SCLY: variants seen among roughly 807,000 people sequenced by gnomAD.
SCLY encodes the protein putative selenocysteine lyase.
SCLY carries 38 observed loss-of-function variants against 50.1 expected under a neutral mutation model. The ratio of observed to expected loss-of-function variants is 0.76; its 90% CI spans 0.59 to 0.99. The LOEUF is 0.99. Ranked by LOEUF, SCLY falls within the 50% of genes least tolerant of loss-of-function variation. The probability of loss-of-function intolerance (pLI) is 0.00; values close to 1 mark genes in which losing one functional copy is unlikely to be tolerated. For synonymous variants in SCLY, 243 were observed against 249.4 expected, an observed-to-expected ratio of 0.97 and a Z score of 0.24; for missense variants, 600 against 620.0, an observed-to-expected ratio of 0.97 and a Z score of 0.34.
At chr2:238,079,068 C>CTTTTTTTTTTTTTTTTTT (rs59238768) in intron 4 of SCLY, 10 of 93,184 alleles carry the variant, frequency 1.1e-4, no homozygotes, top group Non-Finnish European at 1.4e-4. Context: ...CTTTCTTTTT[C>CTTTTTTTTTTTTTTTTTT]TTTTTTTTTT....
Position 238,076,259 on chromosome 2 carries a change from T to C in SCLY, c.485-5450T>C, listed in dbSNP as rs138624656. On this transcript the variant is annotated intron_variant, in intron 4 of 11. Coordinates refer to ENST00000254663, the MANE Select transcript of SCLY (RefSeq NM_016510.7). ...GACATGCACCACCACATCTGGCTAA[T>C]TTTTGTACTTTTAATAGAGACGGGG... Among the ~76,000 whole-genome samples the C allele has an allele frequency of 1.7e-3, 266 of 152,282 alleles. 7 individuals carry two copies. Among genetic ancestry groups the C allele is most frequent in the Admixed American group, 0.014 (220 of 15,298 alleles).
chr2:238,084,003 G>C (rs2065263454), intron 7 of SCLY, among the ~76,000 whole-genome samples: 1 of 152,242 alleles, frequency 6.6e-6, no homozygotes, highest in Non-Finnish European at 1.5e-5. Context: ...GGCCTAGCAA[G>C]ACAGAAAACT....
intron 8 of SCLY, chr2:238,093,518 C>T (rs2065391143): frequency 6.4e-6 from 2 of 313,250 alleles, no homozygotes; most frequent in East Asian, 6.6e-5. Flanking sequence ...CTTGGGCCTG[C>T]GAGGTGCCTT....
chr2:238,074,282 A>G (rs2065152594), intron 4 of SCLY, among the ~76,000 whole-genome samples: 2 of 151,398 alleles, frequency 1.3e-5, no homozygotes, highest in Non-Finnish European at 2.9e-5. Flanking sequence ...CTCCAGCCTG[A>G]GCAACAGAGC....
Position 238,066,973 on chromosome 2 carries a change from A to G in SCLY, c.203-1092A>G, listed in dbSNP as rs1047057656. Among the ~76,000 whole-genome samples the G allele has an allele frequency of 6.6e-6, 1 of 152,158 alleles. No individual in the cohort carries two copies. Among genetic ancestry groups the G allele is most frequent in the Non-Finnish European group, 1.5e-5 (1 of 68,034 alleles). Reference sequence around the variant, plus strand: ...TCAGATTTCATGAGACTGATTCACTATCACGAGACTAGCATGGGAAAGACC... The same window carrying G: ...TCAGATTTCATGAGACTGATTCACTGTCACGAGACTAGCATGGGAAAGACC... On this transcript the variant is annotated intron_variant, in intron 2 of 11. Coordinates refer to ENST00000254663, the MANE Select transcript of SCLY (RefSeq NM_016510.7). The surrounding 1 kb of genome is among the most constrained non-coding windows in gnomAD (Gnocchi z 4.1).
chr2:238,088,297 A>G (rs1406775239), intron 7 of SCLY, among the ~76,000 whole-genome samples: 1 of 152,058 alleles, frequency 6.6e-6, no homozygotes, highest in African/African-American at 2.4e-5. Flanking sequence ...TCTCGCCTCT[A>G]TTACAAATAC....
chr2:238,083,335 G>A lies in SCLY; in HGVS notation c.865G>A (p.Glu289Lys). Residue 289 changes from glutamate to lysine, a missense_variant, in exon 7 of 12, where the codon GAA becomes AAA. Transcript: ENST00000254663. The surrounding 1 kb of genome is among the most constrained non-coding windows in gnomAD (Gnocchi z 4.3). ...CCCTATGCTATTTGGAGGTGGACAA[G>A]AACGGAATTTCAGGCCAGGGTAAGG... ...LYPMLFGGGQ[E>K]RNFRPGTENT... is the part of the protein sequence containing the mutation. 8 of 1,612,868 alleles carry A rather than the reference G, an allele frequency of 5.0e-6. No homozygotes were observed. Among genetic ancestry groups the A allele is most frequent in the Non-Finnish European group, 6.8e-6 (8 of 1,178,858 alleles).
intron 8 of SCLY, chr2:238,091,558 AAGG>A: frequency 3.1e-6 from 1 of 319,032 alleles, no homozygotes; most frequent in Non-Finnish European, 6.0e-6. Context: ...ACCATTCCCA[AAGG>A]CGTCGGCAGC....
chr2:238,083,744 C>G lies in SCLY; in HGVS notation c.884+390C>G, dbSNP rs1227394514. On this transcript the variant is annotated intron_variant, in intron 7 of 11. Coordinates refer to ENST00000254663, the MANE Select transcript of SCLY (RefSeq NM_016510.7). This position sits in a 1 kb window ranked among gnomAD's most constrained non-coding sequence, Gnocchi z 4.3. ...TCTCCTTTCTGATAGCTCCTGTGTCCCCTCTATGTATAGTGACGTGTTAAC... is the reference window on the plus strand; with the variant it reads ...TCTCCTTTCTGATAGCTCCTGTGTCGCCTCTATGTATAGTGACGTGTTAAC... 1.3e-5 allele frequency among the ~76,000 whole-genome samples: 2 copies of G among 152,174 alleles called. No homozygotes were observed. The highest frequency in any genetic ancestry group is 1.3e-4 in the Admixed American group (2 of 15,254).
In SCLY at chr2:238,098,771, G is replaced by C. The variant is rs1691368688; in HGVS notation, c.*416G>C. ...CTTTCCTGGAAGGTGTTTTTATCTG[G>C]AAGATAGAATCCAAGTATTTATAAC... On this transcript the variant is annotated 3_prime_UTR_variant, in exon 12 of 12. Transcript: ENST00000254663. 1 of 348,946 alleles carries C rather than the reference G, an allele frequency of 2.9e-6. No individual in the cohort carries two copies. The highest frequency in any genetic ancestry group is 5.1e-6 in the Non-Finnish European group (1 of 195,520). 21.6% of individuals were successfully genotyped at this position (348,946 alleles called of 1,614,324 possible).
rs1471349358 is a variant in SCLY, at chr2:238,098,625, GCCCACA to G, written c.*271_*276del. 14 of 348,350 alleles carry G rather than the reference GCCCACA, an allele frequency of 4.0e-5. No individual in the cohort carries two copies. The highest frequency in any genetic ancestry group is 1.0e-4 in the South Asian group (2 of 19,222). The allele number at this position is 348,350 out of a possible 1,614,324, so 21.6% of individuals were successfully genotyped here. A position where few individuals can be genotyped will look rare whatever the true frequency, so the allele number is the denominator to read the frequency against. ...CACATAGGACCGCCCACATGGGACC[GCCCACA>G]TGGGACCGCCCACATGGGACCGCCC... On this transcript the variant is annotated 3_prime_UTR_variant, in exon 12 of 12. Transcript: ENST00000254663.
Position 238,098,611 on chromosome 2 carries a change from G to C in SCLY, c.*256G>C. ...CACATAGGACCGCCCACATAGGACC[G>C]CCCACATGGGACCGCCCACATGGGA... On this transcript the variant is annotated 3_prime_UTR_variant, in exon 12 of 12. Coordinates refer to ENST00000254663, the MANE Select transcript of SCLY (RefSeq NM_016510.7). 1 of 416,648 alleles carries C rather than the reference G, an allele frequency of 2.4e-6. No individual in the cohort carries two copies. The highest frequency in any genetic ancestry group is 4.5e-5 in the South Asian group (1 of 22,426). 25.8% of individuals were successfully genotyped at this position (416,648 alleles called of 1,614,324 possible). A position where few individuals can be genotyped will look rare whatever the true frequency, so the allele number is the denominator to read the frequency against.
rs1029851795 is a variant in SCLY, at chr2:238,088,916, T to A, written c.885-2302T>A. On this transcript the variant is annotated intron_variant, in intron 7 of 11. Coordinates refer to ENST00000254663, the MANE Select transcript of SCLY (RefSeq NM_016510.7). Reference sequence around the variant, plus strand: ...TCCAGCATAGTGCTGGAAGTTCTGGTCAGCGTAGTAAGGCAAGAAAAGGAA... The same window carrying A: ...TCCAGCATAGTGCTGGAAGTTCTGGACAGCGTAGTAAGGCAAGAAAAGGAA... Among the ~76,000 whole-genome samples the A allele has an allele frequency of 3.9e-5, 6 of 152,180 alleles. No individual in the cohort carries two copies. In the East Asian group the frequency reaches 9.6e-4, roughly 24 times the overall value.
intron 4 of SCLY, among the ~76,000 whole-genome samples, chr2:238,070,010 G>A (rs914866637): frequency 6.6e-6 from 1 of 152,242 alleles, no homozygotes; most frequent in Non-Finnish European, 1.5e-5. Flanking sequence ...ATGACGCGAG[G>A]CCTCCTGCTA....
At chr2:238,065,651 A>C (rs1450038542) in intron 2 of SCLY, among the ~76,000 whole-genome samples, 1 of 119,340 alleles carries the variant, frequency 8.4e-6, no homozygotes, top group Non-Finnish European at 1.9e-5. Context: ...TAAACTAATA[A>C]TATTTTATTT....
chr2:238,063,441 T>A (rs891270272), intron 1 of SCLY, among the ~76,000 whole-genome samples: 7 of 152,120 alleles, frequency 4.6e-5, no homozygotes. Context: ...CAGGCTGGTC[T>A]CAAACTCCTA....
chr2:238,075,920 A>G (rs1291188735), intron 4 of SCLY, among the ~76,000 whole-genome samples: 1 of 152,146 alleles, frequency 6.6e-6, no homozygotes, highest in Non-Finnish European at 1.5e-5. Flanking sequence ...TGTGTGAAAA[A>G]TCAGACCTTG....
rs896276152 is a variant in SCLY, at chr2:238,063,836, C to G, written c.90-521C>G. On this transcript the variant is annotated intron_variant, in intron 1 of 11. Transcript: ENST00000254663. Reference sequence around the variant, plus strand: ...CTTCCATAAGGAAGAGGCCAGTGATCTGCCCTTTACAGCAGTCAGATGGGT... The same window carrying G: ...CTTCCATAAGGAAGAGGCCAGTGATGTGCCCTTTACAGCAGTCAGATGGGT... Among the ~76,000 whole-genome samples, 3 of 152,344 alleles carry G rather than the reference C, an allele frequency of 2.0e-5. No homozygotes were observed. In the South Asian group the frequency reaches 6.2e-4, roughly 32 times the overall value.
chr2:238,095,373 C>T (rs979614375), intron 10 of SCLY: 3 of 152,158 alleles, frequency 2.0e-5, no homozygotes, highest in Admixed American at 1.3e-4. Flanking sequence ...ATTGACCAGC[C>T]GCATGTCATT....
Sources: gnomAD v4.1 joint callset for allele counts (sites outside exome capture counted in the v4.1 genomes callset) on GRCh38, gnomAD v4.1.1 for gene constraint, Gnocchi (gnomAD v3.1) non-coding constraint, MANE v1.5 for transcripts, NCBI Gene and HGNC (gene_info 2026-07-23, HGNC 2026-07-21) for gene names.